Variants in ATRNL1 observed in about 807,000 individuals in gnomAD.
The protein encoded by ATRNL1 is attractin like 1, also known as attractin-like protein 1.
A neutral mutation model predicts 182.7 loss-of-function variants in ATRNL1; 95 were observed. The observed-to-expected ratio is 0.52, with a 90% CI of 0.44 to 0.62. ATRNL1 has a LOEUF of 0.62. Among genes scored for constraint, ATRNL1 ranks in the 20% least tolerant of loss-of-function variants. The pLI is 0.00. For synonymous variants in ATRNL1, 576 were observed against 568.3 expected, an observed-to-expected ratio of 1.01 and a Z score of -0.19; for missense variants, 1,471 against 1,679.5, an observed-to-expected ratio of 0.88 and a Z score of 2.17.
intron 1 of ATRNL1, among the ~76,000 whole-genome samples, chr10:115,106,215 G>A (rs1306973214): frequency 6.6e-6 from 1 of 152,154 alleles, no homozygotes; most frequent in Non-Finnish European, 1.5e-5. Flanking sequence ...TGACTACCCT[G>A]TTGGATTTCG....
At chr10:115,598,350 A>ATTTATTTAT (rs60852354) in intron 26 of ATRNL1, among the ~76,000 whole-genome samples, 4,993 of 145,814 alleles carry the variant, frequency 0.034, 194 homozygotes, top group African/African-American at 0.088. Context: ...ATTTAAAAAA[A>ATTTATTTAT]TTATTTATTT....
At chr10:115,095,119 C>A (rs1330346523) in intron 1 of ATRNL1, among the ~76,000 whole-genome samples, 1 of 152,096 alleles carries the variant, frequency 6.6e-6, no homozygotes, top group Non-Finnish European at 1.5e-5. Flanking sequence ...TTGGGGCAGG[C>A]TTCTAACAAC....
chr10:115,862,041 T>A (rs1555103588), intron 28 of ATRNL1, among the ~76,000 whole-genome samples: 1 of 152,212 alleles, frequency 6.6e-6, no homozygotes, highest in Non-Finnish European at 1.5e-5. Context: ...ATGACCTGGG[T>A]ATGACTCACC....
intron 27 of ATRNL1, among the ~76,000 whole-genome samples, chr10:115,736,193 T>A (rs550578504): frequency 1.3e-5 from 2 of 152,296 alleles, no homozygotes; most frequent in East Asian, 3.9e-4. Context: ...AATCTCTTAG[T>A]CTTTCTGTTT....
chr10:115,738,154 T>TTTTTTTTTTTTTTTTTGTTC (rs71010046), intron 27 of ATRNL1, among the ~76,000 whole-genome samples: 1 of 63,870 alleles, frequency 1.6e-5, no homozygotes, highest in Non-Finnish European at 3.3e-5. Context: ...TTTTTTTTTT[T>TTTTTTTTTTTTTTTTTGTTC]TTGAGATGGA....
intron 25 of ATRNL1, among the ~76,000 whole-genome samples, chr10:115,525,174 C>G (rs377183973): frequency 1.3e-5 from 2 of 152,158 alleles, no homozygotes; most frequent in Non-Finnish European, 2.9e-5. Flanking sequence ...TCTCCTGTTC[C>G]TTCATTCTTA....
intron 25 of ATRNL1, among the ~76,000 whole-genome samples, chr10:115,536,607 C>T (rs1407809072): frequency 2.6e-5 from 4 of 152,180 alleles, no homozygotes; most frequent in African/African-American, 7.2e-5. Context: ...TCGCACGGTG[C>T]GCTGCACCCA....
At chr10:115,502,293 G>A (rs1270878059) in intron 24 of ATRNL1, among the ~76,000 whole-genome samples, 1 of 151,784 alleles carries the variant, frequency 6.6e-6, no homozygotes, top group Non-Finnish European at 1.5e-5. Flanking sequence ...GGACTCTAGG[G>A]ACCCTAATAT....
intron 21 of ATRNL1, among the ~76,000 whole-genome samples, chr10:115,459,140 G>C (rs1592688398): frequency 6.6e-6 from 1 of 152,114 alleles, no homozygotes; most frequent in African/African-American, 2.4e-5. Context: ...TCTTAATCCT[G>C]TCAGCTGAGA....
intron 19 of ATRNL1, among the ~76,000 whole-genome samples, chr10:115,340,327 G>A (rs2134091589): frequency 6.6e-6 from 1 of 152,146 alleles, no homozygotes; most frequent in East Asian, 1.9e-4. Flanking sequence ...ATTTTTAGTA[G>A]CGATGGAGTT....
intron 8 of ATRNL1, among the ~76,000 whole-genome samples, chr10:115,206,199 T>G (rs1240223781): frequency 6.6e-6 from 1 of 152,120 alleles, no homozygotes; most frequent in Non-Finnish European, 1.5e-5. Flanking sequence ...TGTTGTTCCC[T>G]TATATAATTT....
At chr10:115,303,129 T>C (rs1554925119) in intron 17 of ATRNL1, among the ~76,000 whole-genome samples, 1 of 151,758 alleles carries the variant, frequency 6.6e-6, no homozygotes, top group African/African-American at 2.4e-5. Flanking sequence ...TGTCCTTTTT[T>C]TTTTGAATAA....
chr10:115,547,259 A>AT (rs1565154478), intron 25 of ATRNL1, among the ~76,000 whole-genome samples: 26 of 107,810 alleles, frequency 2.4e-4, no homozygotes, highest in Non-Finnish European at 5.1e-4. Context: ...CATCTCAAAA[A>AT]AAAAATATAT....
rs532887331 is a variant in ATRNL1 at position 115,948,120 on chromosome 10, A to G, written c.*3341A>G. 4 of 152,350 alleles carry G rather than the reference A, an allele frequency of 2.6e-5. No homozygotes were observed. Among genetic ancestry groups the G allele is most frequent in the Non-Finnish European group, 4.4e-5 (3 of 68,026 alleles). 9.4% of individuals were successfully genotyped at this position (152,350 alleles called of 1,614,324 possible). ...ACTTAAGTTCCTGTATTTCTAAGAT[A>G]TAGGGATTTCTACAAAACGACTTTG... On this transcript the variant is annotated 3_prime_UTR_variant, in exon 29 of 29. Transcript: ENST00000355044.
At chr10:115,631,116 A>G (rs112635870) in intron 26 of ATRNL1, among the ~76,000 whole-genome samples, 73 of 152,152 alleles carry the variant, frequency 4.8e-4, no homozygotes, top group African/African-American at 1.7e-3. Flanking sequence ...ACAACGTTTC[A>G]TATACTAGAA....
intron 28 of ATRNL1, among the ~76,000 whole-genome samples, chr10:115,887,113 C>T (rs1951963982): frequency 6.6e-6 from 1 of 152,170 alleles, no homozygotes; most frequent in Non-Finnish European, 1.5e-5. Flanking sequence ...ACCAGACCAA[C>T]TGAATCAGAA....
intron 27 of ATRNL1, among the ~76,000 whole-genome samples, chr10:115,800,790 A>T (rs1949774184): frequency 6.6e-6 from 1 of 152,022 alleles, no homozygotes; most frequent in South Asian, 2.1e-4. Context: ...GAAGGCAGCC[A>T]TCTGCAAGCC....
intron 26 of ATRNL1, among the ~76,000 whole-genome samples, chr10:115,717,438 C>T (rs1192480348): frequency 1.3e-5 from 2 of 152,104 alleles, no homozygotes; most frequent in South Asian, 2.1e-4. Flanking sequence ...GTCTGCCCTT[C>T]ACCATATTGC....
Position 115,318,135 on chromosome 10 carries a change from C to T in ATRNL1, c.3037+2399C>T, listed in dbSNP as rs549679809. On this transcript the variant is annotated intron_variant, in intron 18 of 28. Transcript: ENST00000355044. ...TGAATTTTATCAAAGGCCTTTTCTG[C>T]ATCTATTGAGATAATTGTGTACTTT... 5.9e-5 allele frequency among the ~76,000 whole-genome samples: 9 copies of T among 152,254 alleles called. No homozygotes were observed. In the East Asian group the frequency reaches 1.7e-3, roughly 29 times the overall value.
Sources: allele counts gnomAD v4.1 joint callset (sites outside exome capture counted in the v4.1 genomes callset), GRCh38; gene constraint gnomAD v4.1.1; transcripts MANE v1.5; gene names NCBI Gene and HGNC (gene_info 2026-07-23, HGNC 2026-07-21).